The following CRIM1 variants were observed in gnomAD, a reference collection of about 807,000 sequenced individuals.
CRIM1 encodes the protein cysteine-rich motor neuron 1 protein.
Under a neutral mutation model 116.4 loss-of-function variants are expected in CRIM1, and 32 were observed. That is an observed-to-expected ratio of 0.27 (90% CI 0.21 to 0.37). CRIM1 has a LOEUF of 0.37. CRIM1 is among the 10% of genes least tolerant of loss of function. The pLI is 1.00. For synonymous variants in CRIM1, 590 were observed against 509.2 expected (o/e 1.16, Z -2.13); for missense variants, 1,331 against 1,354.8 (o/e 0.98, Z 0.28).
At chr2:36,464,768 C>A in intron 5 of CRIM1, 113 bp downstream of exon 5, 2 of 1,284,586 alleles carry the variant, frequency 1.6e-6, no homozygotes, top group Admixed American at 1.9e-5. Context: ...CCTTCAGGGG[C>A]TTGCTGAAGG....
rs1357091954 is a variant in CRIM1 at position 36,549,980 on chromosome 2, A to G, written c.*1279A>G. On this transcript the variant is annotated 3_prime_UTR_variant, in exon 17 of 17. Coordinates refer to ENST00000280527, the MANE Select transcript of CRIM1 (RefSeq NM_016441.3). ...TTTTGATCACTTACAAATTTTTTGA[A>G]TAACACAAAATCTCATTCTACCTGC... is the stretch of plus-strand genomic sequence containing the variant. 3 of 152,538 alleles carry G rather than the reference A, an allele frequency of 2.0e-5. No individual in the cohort carries two copies. The highest frequency in any genetic ancestry group is 6.6e-5 in the Admixed American group (1 of 15,254). The allele number at this position is 152,538 out of a possible 1,614,324, so 9.4% of individuals were successfully genotyped here.
At chr2:36,500,015 A>T (rs1333480309) in intron 8 of CRIM1, among the ~76,000 whole-genome samples, 1 of 152,066 alleles carries the variant, frequency 6.6e-6, no homozygotes, top group African/African-American at 2.4e-5. Context: ...TTTACATAAA[A>T]TATGGCCCAC....
intron 1 of CRIM1, among the ~76,000 whole-genome samples, chr2:36,394,657 C>A (rs943486009): frequency 9.9e-5 from 15 of 151,434 alleles, no homozygotes; most frequent in Non-Finnish European, 2.1e-4. Flanking sequence ...TATGTTGTTT[C>A]TCAGAACCAA....
At chr2:36,389,889 TC>T (rs2148358085) in intron 1 of CRIM1, among the ~76,000 whole-genome samples, 1 of 152,272 alleles carries the variant, frequency 6.6e-6, no homozygotes, top group African/African-American at 2.4e-5. Context: ...TTCCTGTAGC[TC>T]CTTAGCACAG....
At chr2:36,390,036 A>G (rs563568936) in intron 1 of CRIM1, among the ~76,000 whole-genome samples, 88 of 152,222 alleles carry the variant, frequency 5.8e-4, no homozygotes, top group African/African-American at 2.0e-3. Context: ...CTTCTCTCCA[A>G]CTAGCCTTTG....
intron 1 of CRIM1, among the ~76,000 whole-genome samples, chr2:36,389,267 G>A (rs1335614811): frequency 6.6e-6 from 1 of 152,182 alleles, no homozygotes; most frequent in Non-Finnish European, 1.5e-5. Context: ...GAAGCAGAGA[G>A]AATGAAAGCA....
At chr2:36,365,778 G>A (rs1258083081) in intron 1 of CRIM1, among the ~76,000 whole-genome samples, 1 of 146,510 alleles carries the variant, frequency 6.8e-6, no homozygotes, top group Admixed American at 7.0e-5. Flanking sequence ...TCTGTTGCCA[G>A]GCTGAAGTGC....
At chr2:36,435,632 AT>A (rs1359340710) in intron 2 of CRIM1, among the ~76,000 whole-genome samples, 1 of 150,098 alleles carries the variant, frequency 6.7e-6, no homozygotes, top group Non-Finnish European at 1.5e-5. Flanking sequence ...AGTTTTTGTC[AT>A]TACTTTCAAT....
chr2:36,358,680 A>G (rs1669019378), intron 1 of CRIM1, among the ~76,000 whole-genome samples: 1 of 152,032 alleles, frequency 6.6e-6, no homozygotes, highest in African/African-American at 2.4e-5. Flanking sequence ...TGTTGACATG[A>G]TTATATCTCA....
chr2:36,388,766 G>A (rs1412696801), intron 1 of CRIM1, among the ~76,000 whole-genome samples: 1 of 109,076 alleles, frequency 9.2e-6, no homozygotes, highest in Non-Finnish European at 1.9e-5. Flanking sequence ...ATCATTTCTT[G>A]TTTCATGAAA....
intron 2 of CRIM1, among the ~76,000 whole-genome samples, chr2:36,429,534 C>A (rs567115606): frequency 2.4e-4 from 36 of 152,256 alleles, no homozygotes; most frequent in African/African-American, 7.2e-4. Context: ...CTGTCGCTGT[C>A]CTCTATACCT....
chr2:36,450,471 T>A (rs1324689192), intron 4 of CRIM1, among the ~76,000 whole-genome samples: 1 of 152,220 alleles, frequency 6.6e-6, no homozygotes, highest in Non-Finnish European at 1.5e-5. Context: ...AGTTTTAGGT[T>A]CTCTTTTCCT....
intron 2 of CRIM1, among the ~76,000 whole-genome samples, chr2:36,423,301 A>G (rs192289686): frequency 2.4e-4 from 36 of 152,350 alleles, no homozygotes; most frequent in African/African-American, 7.2e-4. Context: ...AGGGTTTCCT[A>G]TAGAGCACGT....
intron 13 of CRIM1, among the ~76,000 whole-genome samples, chr2:36,524,621 T>A (rs1665631844): frequency 6.6e-6 from 1 of 152,120 alleles, no homozygotes; most frequent in African/African-American, 2.4e-5. Context: ...GTGTTGAAAA[T>A]TCTCAGATTG....
At chr2:36,357,742 C>A (rs1389019672) in intron 1 of CRIM1, among the ~76,000 whole-genome samples, 9 of 152,122 alleles carry the variant, frequency 5.9e-5, no homozygotes, top group African/African-American at 2.2e-4. Flanking sequence ...GCAGCAGCCT[C>A]GTTTCTGGGG....
intron 5 of CRIM1, among the ~76,000 whole-genome samples, chr2:36,467,078 G>A (rs1678102939): frequency 6.6e-6 from 1 of 152,142 alleles, no homozygotes; most frequent in South Asian, 2.1e-4. Flanking sequence ...CTCATTTATT[G>A]CCACTTATTA....
At chr2:36,515,254 G>A (rs747956399) in intron 11 of CRIM1, among the ~76,000 whole-genome samples, 4 of 152,140 alleles carry the variant, frequency 2.6e-5, no homozygotes, top group Non-Finnish European at 2.9e-5. Flanking sequence ...CATTAAGAAT[G>A]GATAATTGAC....
intron 5 of CRIM1, among the ~76,000 whole-genome samples, chr2:36,468,999 T>C (rs115464419): frequency 4.7e-3 from 711 of 152,332 alleles, no homozygotes; most frequent in Middle Eastern, 0.01. Flanking sequence ...GTCTATAGTA[T>C]TGTTATTGGA....
intron 4 of CRIM1, among the ~76,000 whole-genome samples, chr2:36,443,964 A>G (rs1676055432): frequency 6.6e-6 from 1 of 152,214 alleles, no homozygotes; most frequent in African/African-American, 2.4e-5. Context: ...GAATATGATA[A>G]TTTATGTGCA....
Sources: gnomAD v4.1 joint callset for allele counts (sites outside exome capture counted in the v4.1 genomes callset) on GRCh38, gnomAD v4.1.1 for gene constraint, MANE v1.5 for transcripts, NCBI Gene and HGNC (gene_info 2026-07-23, HGNC 2026-07-21) for gene names.